Variants in MAP3K6 observed in about 807,000 individuals in gnomAD.
The protein encoded by MAP3K6 is apoptosis signal-regulating kinase 2.
In MAP3K6, 105 loss-of-function variants were observed where a neutral mutation model predicts 147.1. That is an observed-to-expected ratio of 0.71 (90% CI 0.61 to 0.84). The LOEUF is 0.84. Ranked by LOEUF, MAP3K6 falls within the 40% of genes least tolerant of loss-of-function variation. The pLI is 0.00. For synonymous variants in MAP3K6, 695 were observed against 732.4 expected, an observed-to-expected ratio of 0.95 and a Z score of 0.82; for missense variants, 1,569 against 1,715.0, an observed-to-expected ratio of 0.91 and a Z score of 1.50.
In MAP3K6 at chr1:27,366,264, T is replaced by G; in HGVS notation, c.334A>C (p.Asn112His). ...GDTAALDAFY[N>H]ADVVVLEVSS... is the part of the protein sequence containing the mutation. ...CCGCCCCCAGCGCTCTCACCCGCGTTGTAGAAGGCATCCAGAGCCGCGGTG... is the reference window on the plus strand; with the variant it reads ...CCGCCCCCAGCGCTCTCACCCGCGTGGTAGAAGGCATCCAGAGCCGCGGTG... Residue 112 changes from asparagine to histidine, a missense_variant, in exon 1 of 29, where the codon AAC becomes CAC. Coordinates refer to ENST00000357582, the MANE Select transcript of MAP3K6 (RefSeq NM_004672.5). This position sits in a 1 kb window ranked among gnomAD's most constrained non-coding sequence, Gnocchi z 5.5. 7.5e-7 allele frequency: 1 copy of G among 1,333,396 alleles called. No individual in the cohort carries two copies. Among genetic ancestry groups the G allele is most frequent in the Non-Finnish European group, 9.6e-7 (1 of 1,043,128 alleles). 82.6% of individuals were successfully genotyped at this position (1,333,396 alleles called of 1,614,324 possible).
intron 22 of MAP3K6, 36 bp from the exon 23 acceptor site, chr1:27,357,612 C>A (rs750658508): frequency 6.3e-7 from 1 of 1,592,876 alleles, no homozygotes; most frequent in South Asian, 1.1e-5. Context: ...GCGAGTGCTC[C>A]AGCCAAAAGA....
Position 27,357,536 on chromosome 1 carries a change from C to A in MAP3K6, c.3122G>T (p.Arg1041Leu). The A allele has an allele frequency of 1.9e-6, 3 of 1,613,072 alleles. No homozygotes were observed. The highest frequency in any genetic ancestry group is 2.5e-6 in the Non-Finnish European group (3 of 1,179,684). Residue 1041 changes from arginine to leucine, a missense_variant, in exon 23 of 29, where the codon CGC becomes CTC. Physicochemically the swap from Arg to Leu is moderately radical, Grantham distance 102 (BLOSUM62 -2). Transcript: ENST00000357582. ...AGTGTGGATGTGTGCCCCGAGGCAG[C>A]GCAGCAGCTCTTCCACATGGTTTCT... ...LGRNHVEELLRCLGAHIHTPN... is the reference protein window; with the variant it reads ...LGRNHVEELLLCLGAHIHTPN...
rs1231185907 is a variant in MAP3K6, at chr1:27,363,438, T to C, written c.971+4A>G. 5.6e-6 allele frequency: 9 copies of C among 1,609,966 alleles called. No homozygotes were observed. In the African/African-American group the frequency reaches 1.2e-4, roughly 22 times the overall value. ...TATGACCTAACCCTTGCTCTGCCAC[T>C]CACCGGTTGAGGGCAAAAGTGTAGT... On this transcript the variant is annotated splice_donor_region_variant and intron_variant, in intron 6 of 28. Coordinates refer to ENST00000357582, the MANE Select transcript of MAP3K6 (RefSeq NM_004672.5).
chr1:27,356,011 C>G lies in MAP3K6; in HGVS notation c.3711+15G>C, dbSNP rs2015508014. The G allele has an allele frequency of 6.2e-7, 1 of 1,613,018 alleles. No homozygotes were observed. Among genetic ancestry groups the G allele is most frequent in the Non-Finnish European group, 8.5e-7 (1 of 1,179,204 alleles). On this transcript the variant is annotated intron_variant, in intron 27 of 28. Transcript: ENST00000357582. ...GCTGGTGAGGTCAGGGATAGCCAAG[C>G]ACTCCCCGACTCACCATTTGGATGG... is the stretch of plus-strand genomic sequence containing the variant.
Position 27,358,104 on chromosome 1 carries a change from C to T in MAP3K6, c.2915+77G>A. 6.6e-7 allele frequency: 1 copy of T among 1,520,744 alleles called. No homozygotes were observed. The highest frequency in any genetic ancestry group is 8.8e-7 in the Non-Finnish European group (1 of 1,137,772). The allele number at this position is 1,520,744 out of a possible 1,614,324, so 94.2% of individuals were successfully genotyped here. A position where few individuals can be genotyped will look rare whatever the true frequency, so the allele number is the denominator to read the frequency against. ...CAAGTGGTCAAGGTGCCCAGGTCCC[C>T]AGGGAGGGCTTTTGTAGGAGAGGAG... On this transcript the variant is annotated intron_variant, in intron 21 of 28. Coordinates refer to ENST00000357582, the MANE Select transcript of MAP3K6 (RefSeq NM_004672.5). This position sits in a 1 kb window ranked among gnomAD's most constrained non-coding sequence, Gnocchi z 6.2.
Position 27,356,082 on chromosome 1 carries a change from G to A in MAP3K6, c.3655C>T (p.Gln1219Ter). 6.2e-7 allele frequency: 1 copy of A among 1,614,166 alleles called. No individual in the cohort carries two copies. Among genetic ancestry groups the A allele is most frequent in the East Asian group, 2.2e-5 (1 of 44,888 alleles). ...TCCTGTAGCCACTGCACCAGGCCCTGGTCCGTTGAAAGAGCAGCTGTCAAG... is the reference window on the plus strand; with the variant it reads ...TCCTGTAGCCACTGCACCAGGCCCTAGTCCGTTGAAAGAGCAGCTGTCAAG... ...PEPPTALSTD[Q>*]GLVQWLQELN... Residue 1219 changes from glutamine to a stop codon, truncating the protein, a stop_gained, in exon 27 of 29, where the codon CAG becomes TAG. Coordinates refer to ENST00000357582, the MANE Select transcript of MAP3K6 (RefSeq NM_004672.5). LOFTEE classifies it high-confidence loss of function.
Position 27,358,364 on chromosome 1 carries a change from A to G in MAP3K6, c.2777-45T>C, listed in dbSNP as rs747140896. 22 of 1,590,258 alleles carry G rather than the reference A, an allele frequency of 1.4e-5. No homozygotes were observed. The highest frequency in any genetic ancestry group is 1.9e-5 in the Non-Finnish European group (22 of 1,173,578). On this transcript the variant is annotated intron_variant, in intron 20 of 28. Transcript: ENST00000357582. This position sits in a 1 kb window ranked among gnomAD's most constrained non-coding sequence, Gnocchi z 6.2. Reference sequence around the variant, plus strand: ...ATCAGCTGGGCTCTCCTCCACCCTCACAGCTCCACAACTCCTCTGCCCTCC... The same window carrying G: ...ATCAGCTGGGCTCTCCTCCACCCTCGCAGCTCCACAACTCCTCTGCCCTCC...
chr1:27,363,551 G>A lies in MAP3K6; in HGVS notation c.865-3C>T, dbSNP rs1406862346. 4 of 1,604,442 alleles carry A rather than the reference G, an allele frequency of 2.5e-6. No homozygotes were observed. Among genetic ancestry groups the A allele is most frequent in the Non-Finnish European group, 3.4e-6 (4 of 1,174,286 alleles). On this transcript the variant is annotated splice_polypyrimidine_tract_variant and splice_region_variant and intron_variant, in intron 5 of 28. Transcript: ENST00000357582. The stretch of plus-strand genomic sequence containing the variant: ...AGCTCAATGATGGCCGAGTAGTCCT[G>A]CATCAGGGAACGGCAAGCACTGGCA...
At position 27,363,991 on chromosome 1, in the gene MAP3K6, G is replaced by A. The variant is rs144127466; in HGVS notation, c.790C>T (p.Arg264Trp). The A allele has an allele frequency of 1.4e-4, 219 of 1,610,792 alleles. 1 individual carries two copies. In the Middle Eastern group the frequency reaches 2.6e-3, roughly 19 times the overall value. ...QLRQELARLQ[R>W]RLDSVELLSP... ...AGCAGCTCCACGCTGTCCAGTCTCC[G>A]CTGCAGGCGAGCCAGCTCCTGCCGC... The change falls in exon 5 of 29, where the codon CGG (arginine) becomes TGG (tryptophan). Residue 264 changes from arginine to tryptophan, a missense_variant. By Grantham distance (101) the Arg-to-Trp change is moderately radical (BLOSUM62 -3). Transcript: ENST00000357582.
intron 28 of MAP3K6, 94 bp downstream of exon 28, chr1:27,355,566 ACCCAGGTGC>A (rs1009485205): frequency 1.3e-6 from 2 of 1,560,948 alleles, no homozygotes; most frequent in Non-Finnish European, 8.8e-7. Flanking sequence ...TCCCTAGGGG[ACCCAGGTGC>A]CCCTTTGGTT....
At position 27,356,587 on chromosome 1, in the gene MAP3K6, T is replaced by TA. The variant is rs1408668961; in HGVS notation, c.3524+2dup. Reference sequence around the variant, plus strand: ...GGCTATGAGCGATTCCAAGGGGCTTTACCGATCAGTCTCTGCCCTCAAGAG... The same window carrying TA: ...GGCTATGAGCGATTCCAAGGGGCTTTAACCGATCAGTCTCTGCCCTCAAGAG... On this transcript the variant is annotated splice_region_variant and intron_variant, in intron 25 of 28. Transcript: ENST00000357582. 1 of 1,612,442 alleles carries TA rather than the reference T, an allele frequency of 6.2e-7. No homozygotes were observed. Among genetic ancestry groups the TA allele is most frequent in the Non-Finnish European group, 8.5e-7 (1 of 1,179,138 alleles).
chr1:27,363,011 G>A lies in MAP3K6; in HGVS notation c.982C>T (p.Pro328Ser). Residue 328 changes from proline (P) to serine (S), a missense_variant, in exon 7 of 29, where the codon CCT becomes TCT. By Grantham distance (74) the Pro-to-Ser change is moderately conservative (BLOSUM62 -1). Transcript: ENST00000357582. ...GACAGGGCCTTCGCCCGGTCCCCAG[G>A]CCTGTTCCTCCTAGGGAAAAGATGG... is the stretch of plus-strand genomic sequence containing the variant. ...YTFALNRRNR[P>S]GDRAKALSVL... is the part of the protein sequence containing the mutation. 6.2e-7 allele frequency: 1 copy of A among 1,613,338 alleles called. No individual in the cohort carries two copies. The highest frequency in any genetic ancestry group is 8.5e-7 in the Non-Finnish European group (1 of 1,179,792).
rs764732816 is a variant in MAP3K6, at chr1:27,364,634, T to C, written c.504+27A>G. On this transcript the variant is annotated intron_variant, in intron 3 of 28. Coordinates refer to ENST00000357582, the MANE Select transcript of MAP3K6 (RefSeq NM_004672.5). This position sits in a 1 kb window ranked among gnomAD's most constrained non-coding sequence, Gnocchi z 4.4. ...GTCATAGCGGAAGTCAAAGGGCACTTTTGAGTGAGAGGTGGATTCTGCTCA... is the reference window on the plus strand; with the variant it reads ...GTCATAGCGGAAGTCAAAGGGCACTCTTGAGTGAGAGGTGGATTCTGCTCA... The C allele has an allele frequency of 6.2e-6, 10 of 1,613,808 alleles. No individual in the cohort carries two copies. The East Asian group carries it at 2.2e-4, about 36-fold the overall frequency.
rs139722854 is a variant in MAP3K6 at position 27,361,716 on chromosome 1, C to T, written c.1567G>A (p.Asp523Asn). The T allele has an allele frequency of 1.4e-5, 22 of 1,613,186 alleles. No homozygotes were observed. The highest frequency in any genetic ancestry group is 1.4e-5 in the Non-Finnish European group (16 of 1,179,536). Reference sequence around the variant, plus strand: ...CCTACAGGCCTCACCAAGCACTGGTCGCCCTGGGCACAGGCTGTCTTGAAT... The same window carrying T: ...CCTACAGGCCTCACCAAGCACTGGTTGCCCTGGGCACAGGCTGTCTTGAAT... ...QPFKTACAQGDQCLVLVLEMN... is the reference protein window; with the variant it reads ...QPFKTACAQGNQCLVLVLEMN... The change falls in exon 10 of 29, where the codon GAC (aspartate) becomes AAC (asparagine). Residue 523 changes from aspartate to asparagine, a missense_variant. By Grantham distance (23) the Asp-to-Asn change is conservative. Coordinates refer to ENST00000357582, the MANE Select transcript of MAP3K6 (RefSeq NM_004672.5).
At chr1:27,362,330 G>A in intron 8 of MAP3K6, 80 bp from the exon 9 acceptor site, 1 of 1,420,522 alleles carries the variant, frequency 7.0e-7, no homozygotes, top group Non-Finnish European at 9.6e-7. Flanking sequence ...GCCCGAGTGT[G>A]GACATGAACA....
At position 27,360,248 on chromosome 1, in the gene MAP3K6, C is replaced by T. The variant is rs772059839; in HGVS notation, c.2175G>A (p.Val725=). The part of the protein sequence containing the change: ...GGYLKIFMEE[V]PGGSLSSLLR... ...CCCACACAGGGCAGGTACCTCCAGG[C>T]ACTTCCTCCATGAAGATCTTAAGGT... The change falls in exon 16 of 29, where the codon GTG becomes GTA. Residue 725 remains valine, a synonymous_variant. Transcript: ENST00000357582. The surrounding 1 kb of genome is among the most constrained non-coding windows in gnomAD (Gnocchi z 4.5). 5.6e-6 allele frequency: 9 copies of T among 1,613,940 alleles called. 1 individual carries two copies. The highest frequency in any genetic ancestry group is 1.6e-4 in the Middle Eastern group (1 of 6,074).
Position 27,358,005 on chromosome 1 carries a change from C to T in MAP3K6, c.2916-129G>A. On this transcript the variant is annotated intron_variant, in intron 21 of 28. Coordinates refer to ENST00000357582, the MANE Select transcript of MAP3K6 (RefSeq NM_004672.5). This position sits in a 1 kb window ranked among gnomAD's most constrained non-coding sequence, Gnocchi z 6.2. Reference sequence around the variant, plus strand: ...CAGGCATGAACATAGATAAACCCCGCACTGAGAGGACACAACAAGTCCAAG... The same window carrying T: ...CAGGCATGAACATAGATAAACCCCGTACTGAGAGGACACAACAAGTCCAAG... 6.8e-7 allele frequency: 1 copy of T among 1,471,654 alleles called. No homozygotes were observed. Among genetic ancestry groups the T allele is most frequent in the South Asian group, 1.4e-5 (1 of 71,254 alleles). 91.2% of individuals were successfully genotyped at this position (1,471,654 alleles called of 1,614,324 possible).
In MAP3K6 at chr1:27,364,374, T is replaced by G. The variant is rs753726118; in HGVS notation, c.525A>C (p.Thr175=). The G allele has an allele frequency of 4.3e-6, 7 of 1,613,816 alleles. No individual in the cohort carries two copies. The highest frequency in any genetic ancestry group is 5.9e-6 in the Non-Finnish European group (7 of 1,179,972). ...TGGCCGTCACCACATAGGGGATCAG[T>G]GTGTAGCTGCCAACGCAATCCTGGT... ...QKNSDCVGSY[T]LIPYVVTATG... The change falls in exon 4 of 29, where the codon ACA becomes ACC. Residue 175 remains threonine (T), a synonymous_variant. Coordinates refer to ENST00000357582, the MANE Select transcript of MAP3K6 (RefSeq NM_004672.5). This position sits in a 1 kb window ranked among gnomAD's most constrained non-coding sequence, Gnocchi z 4.4.
chr1:27,364,563 G>A lies in MAP3K6; in HGVS notation c.504+98C>T, dbSNP rs2015907811. ...AGAGGAATACTTGGGATGTCAGTGG[G>A]GGGTTAGGTGACTGAGGAGGCCAGG... is the stretch of plus-strand genomic sequence containing the variant. On this transcript the variant is annotated intron_variant, in intron 3 of 28. Transcript: ENST00000357582. This position sits in a 1 kb window ranked among gnomAD's most constrained non-coding sequence, Gnocchi z 4.4. 2 of 1,579,472 alleles carry A rather than the reference G, an allele frequency of 1.3e-6. No individual in the cohort carries two copies. Among genetic ancestry groups the A allele is most frequent in the African/African-American group, 1.3e-5 (1 of 74,168 alleles).
Sources: gnomAD v4.1 joint callset for allele counts on GRCh38, gnomAD v4.1.1 for gene constraint, Gnocchi (gnomAD v3.1) non-coding constraint, MANE v1.5 for transcripts, NCBI Gene and HGNC (gene_info 2026-07-23, HGNC 2026-07-21) for gene names.